The following NSMCE4A variants were observed in gnomAD, a reference collection of about 807,000 sequenced individuals.
The protein encoded by NSMCE4A is non-structural maintenance of chromosomes element 4 homolog A.
NSMCE4A carries 40 observed loss-of-function variants against 47.9 expected under a neutral mutation model. That is an observed-to-expected ratio of 0.83 (90% CI 0.65 to 1.09). NSMCE4A has a LOEUF of 1.09. NSMCE4A is among the 50% of genes least tolerant of loss of function. NSMCE4A has a pLI of 0.00. For synonymous variants in NSMCE4A, 166 were observed against 178.5 expected (o/e 0.93, Z 0.56); for missense variants, 500 against 507.0 (o/e 0.99, Z 0.13).
intron 2 of NSMCE4A, among the ~76,000 whole-genome samples, chr10:121,972,637 A>T (rs781675580): frequency 6.6e-6 from 1 of 152,200 alleles, no homozygotes; most frequent in Non-Finnish European, 1.5e-5. Flanking sequence ...CTAGATGCAC[A>T]GTAAATATCA....
chr10:121,973,896 A>C (rs1952765216), intron 2 of NSMCE4A, 108 bp downstream of exon 2: 2 of 736,574 alleles, frequency 2.7e-6, no homozygotes, highest in Non-Finnish European at 4.6e-6. Flanking sequence ...GAACTGGGAA[A>C]GCACTATTAC....
intron 5 of NSMCE4A, among the ~76,000 whole-genome samples, chr10:121,964,570 T>C (rs538838611): frequency 6.6e-6 from 1 of 152,252 alleles, no homozygotes; most frequent in South Asian, 2.1e-4. Flanking sequence ...GCCTCCCGAA[T>C]AGCCCGGACT....
intron 5 of NSMCE4A, among the ~76,000 whole-genome samples, chr10:121,963,987 T>A (rs1361245483): frequency 1.3e-5 from 2 of 150,808 alleles, no homozygotes; most frequent in Non-Finnish European, 3.0e-5. Flanking sequence ...TCCCAGCTAC[T>A]TGGGAGGCTG....
intron 6 of NSMCE4A, among the ~76,000 whole-genome samples, chr10:121,962,801 G>T (rs1315639900): frequency 6.6e-6 from 1 of 151,894 alleles, no homozygotes; most frequent in Non-Finnish European, 1.5e-5. Flanking sequence ...TAGTAGAGAT[G>T]AGGTTTCTCC....
rs1320736558 is a variant in NSMCE4A at position 121,974,875 on chromosome 10, T to C, written c.291A>G (p.Gln97=). The change falls in exon 1 of 11, where the codon CAA becomes CAG. Residue 97 remains glutamine, a splice_region_variant and synonymous_variant. Coordinates refer to ENST00000369023, the MANE Select transcript of NSMCE4A (RefSeq NM_017615.3). ...CGCCGCCCGGAGGCGCCGCCTTACG[T>C]TGGACGGAGTTGATGAGCGCCCGGT... The part of the protein sequence containing the change: ...HQYRALINSV[Q]QNREDILNAG... The C allele has an allele frequency of 6.2e-6, 9 of 1,449,026 alleles. No individual in the cohort carries two copies. Among genetic ancestry groups the C allele is most frequent in the South Asian group, 1.3e-5 (1 of 77,522 alleles). The allele number at this position is 1,449,026 out of a possible 1,614,324, so 89.8% of individuals were successfully genotyped here.
Position 121,961,432 on chromosome 10 carries a change from G to A in NSMCE4A, c.930C>T (p.Phe310=). 3 of 1,563,518 alleles carry A rather than the reference G, an allele frequency of 1.9e-6. No individual in the cohort carries two copies. Among genetic ancestry groups the A allele is most frequent in the Non-Finnish European group, 2.6e-6 (3 of 1,161,980 alleles). The change falls in exon 7 of 11, where the codon TTC becomes TTT. Residue 310 remains phenylalanine, a synonymous_variant. Coordinates refer to ENST00000369023, the MANE Select transcript of NSMCE4A (RefSeq NM_017615.3). ...RTVENIFHVS[F]IIRDGFARIR... is the part of the protein sequence containing the mutation. ...TAATCTTTAATCTTACCCGTATAAT[G>A]AAGGAAACATGAAAGATGTTTTCCA...
At chr10:121,965,453 C>G (rs2134755434) in intron 4 of NSMCE4A, 68 bp from the exon 5 acceptor site, 1 of 1,231,062 alleles carries the variant, frequency 8.1e-7, no homozygotes, top group East Asian at 2.3e-5. Flanking sequence ...ACTTTACTAA[C>G]TAAAAGTAGT....
Position 121,974,019 on chromosome 10 carries a change from T to C in NSMCE4A, c.355A>G (p.Thr119Ala). 6.3e-7 allele frequency: 1 copy of C among 1,598,132 alleles called. No homozygotes were observed. ...KLTEVLEEANTLFNEVSRARE... is the reference protein window; with the variant it reads ...KLTEVLEEANALFNEVSRARE... ...AACAAATTACCTTCATTAAACAGAG[T>C]GTTAGCCTCTTCAAGGACCTCTGTT... Residue 119 changes from threonine to alanine, a missense_variant, in exon 2 of 11, where the codon ACT becomes GCT. Transcript: ENST00000369023.
intron 3 of NSMCE4A, among the ~76,000 whole-genome samples, chr10:121,968,996 G>T: frequency 6.6e-6 from 1 of 152,140 alleles, no homozygotes; most frequent in Non-Finnish European, 1.5e-5. Flanking sequence ...ATTAATTTAA[G>T]GTTTTATATT....
rs950125792 is a variant in NSMCE4A, at chr10:121,960,072, A to G, written c.988+286T>C. ...ACAAAACGTGATTAGAAAGAGGGAT[A>G]CTACAAAAATGACTGCAATCACCAA... is the stretch of plus-strand genomic sequence containing the variant. On this transcript the variant is annotated intron_variant, in intron 8 of 10. Coordinates refer to ENST00000369023, the MANE Select transcript of NSMCE4A (RefSeq NM_017615.3). The surrounding 1 kb of genome is among the most constrained non-coding windows in gnomAD (Gnocchi z 4.2). 1 of 311,338 alleles carries G rather than the reference A, an allele frequency of 3.2e-6. No homozygotes were observed. Among genetic ancestry groups the G allele is most frequent in the Non-Finnish European group, 5.8e-6 (1 of 173,374 alleles). The allele number at this position is 311,338 out of a possible 1,614,324, so 19.3% of individuals were successfully genotyped here. A position where few individuals can be genotyped will look rare whatever the true frequency, so the allele number is the denominator to read the frequency against.
At chr10:121,969,250 G>A (rs1478446263) in intron 3 of NSMCE4A, among the ~76,000 whole-genome samples, 2 of 152,090 alleles carry the variant, frequency 1.3e-5, no homozygotes, top group African/African-American at 4.8e-5. Context: ...CAGGAGAATC[G>A]CTTGAACCCA....
At chr10:121,964,719 C>T (rs992234751) in intron 5 of NSMCE4A, among the ~76,000 whole-genome samples, 3 of 152,232 alleles carry the variant, frequency 2.0e-5, no homozygotes, top group South Asian at 4.1e-4. Flanking sequence ...GGATTACAGG[C>T]GTAAGCCACT....
chr10:121,970,601 C>T (rs1952689841), intron 3 of NSMCE4A, among the ~76,000 whole-genome samples: 1 of 152,014 alleles, frequency 6.6e-6, no homozygotes, highest in Admixed American at 6.6e-5. Context: ...GCTCTGCCAT[C>T]GCAGAGTGGG....
chr10:121,958,256 T>C (rs1952435751), intron 10 of NSMCE4A, among the ~76,000 whole-genome samples: 2 of 151,962 alleles, frequency 1.3e-5, no homozygotes, highest in African/African-American at 4.8e-5. Context: ...TGGGTGAGAT[T>C]AAGTGACTTG....
rs767056896 is a variant in NSMCE4A at position 121,970,984 on chromosome 10, G to A, written c.456C>T (p.Arg152=). 1 of 1,614,056 alleles carries A rather than the reference G, an allele frequency of 6.2e-7. No individual in the cohort carries two copies. Among genetic ancestry groups the A allele is most frequent in the South Asian group, 1.1e-5 (1 of 91,074 alleles). ...ACATGTCAAAGGAGCTCAGGTCTGA[G>A]CGCAGCTGCTTTGCTTTCTCTTTGC... ...DLGKEKAKQL[R]SDLSSFDMLR... The change falls in exon 3 of 11, where the codon CGC becomes CGT. Residue 152 remains arginine, a synonymous_variant. Coordinates refer to ENST00000369023, the MANE Select transcript of NSMCE4A (RefSeq NM_017615.3).
intron 7 of NSMCE4A, among the ~76,000 whole-genome samples, chr10:121,961,127 C>T (rs1952489779): frequency 1.3e-5 from 2 of 152,148 alleles, no homozygotes; most frequent in South Asian, 4.1e-4. Flanking sequence ...TACAACATGA[C>T]AACTATCAAA....
At chr10:121,969,901 A>G (rs1042193254) in intron 3 of NSMCE4A, among the ~76,000 whole-genome samples, 2 of 152,036 alleles carry the variant, frequency 1.3e-5, no homozygotes, top group Non-Finnish European at 2.9e-5. Flanking sequence ...TTTTTAGTAG[A>G]GACGGGCTTT....
chr10:121,975,036 GCGCAGA>G lies in NSMCE4A; in HGVS notation c.124_129del (p.Ser42_Ala43del). On this transcript the variant is annotated inframe_deletion, in exon 1 of 11. Coordinates refer to ENST00000369023, the MANE Select transcript of NSMCE4A (RefSeq NM_017615.3). The stretch of plus-strand genomic sequence containing the variant: ...CGCTCTGGGGCCTCTCTGCGCTCCC[GCGCAGA>G]GCCGCGGCGGGACCTGGGCGACAAA... 6.8e-7 allele frequency: 1 copy of G among 1,477,160 alleles called. No individual in the cohort carries two copies. The highest frequency in any genetic ancestry group is 8.9e-7 in the Non-Finnish European group (1 of 1,121,164). The allele number at this position is 1,477,160 out of a possible 1,614,324, so 91.5% of individuals were successfully genotyped here. A position where few individuals can be genotyped will look rare whatever the true frequency, so the allele number is the denominator to read the frequency against.
intron 8 of NSMCE4A, chr10:121,959,821 T>C: frequency 1.8e-6 from 1 of 552,274 alleles, no homozygotes; most frequent in Non-Finnish European, 3.2e-6. Context: ...GAGTAACACA[T>C]TCCAGACATT....
Sources: allele counts gnomAD v4.1 joint callset (sites outside exome capture counted in the v4.1 genomes callset), GRCh38; gene constraint gnomAD v4.1.1; non-coding constraint Gnocchi (gnomAD v3.1); transcripts MANE v1.5; gene names NCBI Gene and HGNC (gene_info 2026-07-23, HGNC 2026-07-21).